The following INTS4 variants were observed in gnomAD, a reference collection of about 807,000 sequenced individuals.
The protein encoded by INTS4 is MSTP093.
Under a neutral mutation model 119.5 loss-of-function variants are expected in INTS4, and 70 were observed. The observed-to-expected ratio is 0.59, with a 90% CI of 0.48 to 0.71. The LOEUF is 0.71. Ranked by LOEUF, INTS4 falls within the 30% of genes least tolerant of loss-of-function variation. INTS4 has a pLI of 0.00. For synonymous variants in INTS4, 316 were observed against 419.6 expected, an observed-to-expected ratio of 0.75 and a Z score of 3.02; for missense variants, 867 against 1,173.2, an observed-to-expected ratio of 0.74 and a Z score of 3.81.
chr11:77,985,181 C>T (rs940889919), intron 2 of INTS4, among the ~76,000 whole-genome samples: 19 of 152,166 alleles, frequency 1.2e-4, no homozygotes, highest in Admixed American at 8.5e-4. Context: ...TCTAATTGGT[C>T]ACTCTAACTC....
chr11:77,950,968 C>T (rs180931889), intron 8 of INTS4, among the ~76,000 whole-genome samples: 155 of 148,880 alleles, frequency 1.0e-3, no homozygotes, highest in Middle Eastern at 3.5e-3. Context: ...TGAGAACAGG[C>T]GGTGTTTGGA....
chr11:77,875,772 C>T (rs1294605154), downstream of INTS4, among the ~76,000 whole-genome samples: 1 of 152,140 alleles, frequency 6.6e-6, no homozygotes, highest in African/African-American at 2.4e-5. Flanking sequence ...GAACAAGGCC[C>T]AGTCCTGAAG....
rs201324868 is a variant in INTS4 at position 77,924,713 on chromosome 11, T to C, written c.1514+37A>G. On this transcript the variant is annotated intron_variant, in intron 12 of 22. Transcript: ENST00000534064. Reference sequence around the variant, plus strand: ...TCAGCATTATACATTTACCACATTATGGGACTCAGTGAGTAAATGGGCAAA... The same window carrying C: ...TCAGCATTATACATTTACCACATTACGGGACTCAGTGAGTAAATGGGCAAA... 2.3e-4 allele frequency: 368 copies of C among 1,575,006 alleles called. 3 individuals carry two copies. Among genetic ancestry groups the C allele is most frequent in the Middle Eastern group, 3.7e-4 (2 of 5,470 alleles).
intron 4 of INTS4, among the ~76,000 whole-genome samples, chr11:77,970,974 G>C (rs933778735): frequency 6.6e-6 from 1 of 151,568 alleles, no homozygotes. Flanking sequence ...TGCCTGGCTA[G>C]TTTTTGTATT....
At chr11:77,983,885 T>C (rs1054789539) in intron 2 of INTS4, among the ~76,000 whole-genome samples, 7 of 152,150 alleles carry the variant, frequency 4.6e-5, no homozygotes, top group African/African-American at 1.7e-4. Context: ...TTTGGGTATA[T>C]ACTCAAAAAA....
chr11:77,954,169 G>A (rs1392056184), intron 8 of INTS4, among the ~76,000 whole-genome samples: 4 of 152,114 alleles, frequency 2.6e-5, no homozygotes, highest in African/African-American at 9.7e-5. Flanking sequence ...CAAGCTAAAA[G>A]ATGCAAGATC....
intron 1 of INTS4, among the ~76,000 whole-genome samples, chr11:77,992,542 AAAT>A (rs761697477): frequency 2.4e-4 from 37 of 152,168 alleles, no homozygotes; most frequent in Non-Finnish European, 4.3e-4. Flanking sequence ...CTCTGTTAAA[AAAT>A]AATAATAAAA....
At chr11:77,947,341 C>G (rs557476415) in intron 8 of INTS4, among the ~76,000 whole-genome samples, 1 of 152,124 alleles carries the variant, frequency 6.6e-6, no homozygotes, top group Non-Finnish European at 1.5e-5. Context: ...CAAAAAGATC[C>G]TCTCCAAGGT....
Position 77,966,869 on chromosome 11 carries a change from A to C in INTS4, c.472-5731T>G, listed in dbSNP as rs1296904215. Among the ~76,000 whole-genome samples, 4 of 152,200 alleles carry C rather than the reference A, an allele frequency of 2.6e-5. No homozygotes were observed. The East Asian group carries it at 7.7e-4, about 29-fold the overall frequency. ...ACTGAATCTGCAGATCATTTTGGGT[A>C]ATATGGACGTTTTAACATATTAATT... is the stretch of plus-strand genomic sequence containing the variant. On this transcript the variant is annotated intron_variant, in intron 4 of 22. Coordinates refer to ENST00000534064, the MANE Select transcript of INTS4 (RefSeq NM_033547.4).
intron 4 of INTS4, among the ~76,000 whole-genome samples, chr11:77,974,399 T>C (rs1243429595): frequency 6.6e-6 from 1 of 151,486 alleles, no homozygotes; most frequent in East Asian, 1.9e-4. Context: ...CGCACCACCA[T>C]ACCCGACTAA....
At chr11:77,991,712 A>G (rs1484609321) in intron 1 of INTS4, among the ~76,000 whole-genome samples, 1 of 151,948 alleles carries the variant, frequency 6.6e-6, no homozygotes, top group Admixed American at 6.6e-5. Flanking sequence ...TGCTCTACCT[A>G]TCTCTGAGGA....
chr11:77,904,836 T>A (rs780821649), intron 16 of INTS4, among the ~76,000 whole-genome samples: 1 of 152,188 alleles, frequency 6.6e-6, no homozygotes, highest in East Asian at 1.9e-4. Flanking sequence ...GATAGTTGCA[T>A]CATGTTAGTT....
chr11:77,963,822 C>T (rs1386334650), intron 4 of INTS4, among the ~76,000 whole-genome samples: 1 of 152,032 alleles, frequency 6.6e-6, no homozygotes. Context: ...TAGCTGGGGA[C>T]CACAGGTGTG....
intron 17 of INTS4, 29 bp downstream of exon 17, chr11:77,903,511 A>G (rs3819213): frequency 1.2e-6 from 2 of 1,610,198 alleles, no homozygotes; most frequent in African/African-American, 1.3e-5. Context: ...ACAGAGACCT[A>G]TTTGAAGGGA....
chr11:77,895,527 GAAAAAAAAAAAAAAAAAA>G (rs71046921), intron 18 of INTS4, among the ~76,000 whole-genome samples: 90 of 39,272 alleles, frequency 2.3e-3, no homozygotes, highest in African/African-American at 7.1e-3. Context: ...TTCTTTTCCT[GAAAAAAAAAAAAAAAAAA>G]AAAAAAAAAA....
chr11:77,906,244 T>C (rs1427476584), intron 16 of INTS4, among the ~76,000 whole-genome samples: 1 of 152,220 alleles, frequency 6.6e-6, no homozygotes, highest in South Asian at 2.1e-4. Flanking sequence ...GTCATGTTGT[T>C]GTATAATTCT....
At chr11:77,990,986 CT>C in intron 2 of INTS4, 121 bp downstream of exon 2, 1 of 786,944 alleles carries the variant, frequency 1.3e-6, no homozygotes, top group Admixed American at 2.6e-5. Context: ...GTACCTAGCA[CT>C]TGGAAGACAC....
At chr11:77,982,600 G>A (rs979818415) in intron 2 of INTS4, among the ~76,000 whole-genome samples, 7 of 152,096 alleles carry the variant, frequency 4.6e-5, no homozygotes, top group African/African-American at 1.4e-4. Context: ...TCTCTAATGG[G>A]CACCAAAATT....
In INTS4 at chr11:77,928,534, A is replaced by T; in HGVS notation, c.1179T>A (p.Ala393=). 1 of 1,575,998 alleles carries T rather than the reference A, an allele frequency of 6.3e-7. No individual in the cohort carries two copies. ...LEDEMYEVRI[A]AVEALCMLAQ... ...CCAACATGCAGAGGGCCTCCACAGCAGCAATACGAACCTCTAGAAAAAAGA... is the reference window on the plus strand; with the variant it reads ...CCAACATGCAGAGGGCCTCCACAGCTGCAATACGAACCTCTAGAAAAAAGA... The change falls in exon 11 of 23, where the codon GCT becomes GCA. Residue 393 remains alanine, a synonymous_variant. Coordinates refer to ENST00000534064, the MANE Select transcript of INTS4 (RefSeq NM_033547.4).
Sources: allele counts gnomAD v4.1 joint callset (sites outside exome capture counted in the v4.1 genomes callset), GRCh38; gene constraint gnomAD v4.1.1; transcripts MANE v1.5; gene names NCBI Gene and HGNC (gene_info 2026-07-23, HGNC 2026-07-21).